DIS3L2: variants seen among roughly 807,000 people sequenced by gnomAD.
The protein encoded by DIS3L2 is DIS3 like 3'-5' exoribonuclease 2.
Under a neutral mutation model 97.5 loss-of-function variants are expected in DIS3L2, and 34 were observed. That is an observed-to-expected ratio of 0.35 (90% CI 0.27 to 0.46). The LOEUF (loss-of-function observed/expected upper bound fraction) is 0.46, where lower values mean the gene tolerates loss of function less well. Among genes scored for constraint, DIS3L2 ranks in the 20% least tolerant of loss-of-function variants. DIS3L2 has a pLI of 1.00. For missense variants in DIS3L2, 1,038 were observed against 1,146.0 expected (o/e 0.91, Z 1.36); for synonymous variants, 435 against 445.2 (o/e 0.98, Z 0.29).
At chr2:232,323,269 G>A (rs984663042) in intron 14 of DIS3L2, among the ~76,000 whole-genome samples, 31 of 152,214 alleles carry the variant, frequency 2.0e-4, no homozygotes, top group African/African-American at 6.8e-4. Flanking sequence ...AGCAGAGCCC[G>A]AACTTGGGGA....
intron 1 of DIS3L2, among the ~76,000 whole-genome samples, chr2:231,973,858 C>T (rs1692996300): frequency 6.6e-6 from 1 of 151,890 alleles, no homozygotes; most frequent in Non-Finnish European, 1.5e-5. Flanking sequence ...CAAAAGAAAC[C>T]CCAACTAATA....
chr2:232,063,683 A>G (rs77754687), intron 5 of DIS3L2, among the ~76,000 whole-genome samples: 1,572 of 152,164 alleles, frequency 0.01, 32 homozygotes, highest in African/African-American at 0.036. Flanking sequence ...CACTGCCTTC[A>G]TTTCCTAAAG....
intron 13 of DIS3L2, among the ~76,000 whole-genome samples, chr2:232,297,789 AC>A (rs965485606): frequency 1.4e-5 from 2 of 142,104 alleles, no homozygotes; most frequent in African/African-American, 5.3e-5. Context: ...TGCAACCTCC[AC>A]CCGCCAGGTT....
intron 6 of DIS3L2, among the ~76,000 whole-genome samples, chr2:232,117,152 A>G (rs1163038414): frequency 6.6e-6 from 1 of 152,164 alleles, no homozygotes; most frequent in African/African-American, 2.4e-5. Context: ...CTTTTCTTCC[A>G]GGTATGAATA....
At chr2:232,033,796 C>A (rs902251329) in intron 5 of DIS3L2, among the ~76,000 whole-genome samples, 5 of 152,142 alleles carry the variant, frequency 3.3e-5, no homozygotes, top group African/African-American at 9.7e-5. Flanking sequence ...ATTGAACCAG[C>A]CTTGCATCCC....
At chr2:232,225,828 A>T (rs1442382233) in intron 10 of DIS3L2, among the ~76,000 whole-genome samples, 1 of 152,270 alleles carries the variant, frequency 6.6e-6, no homozygotes, top group African/African-American at 2.4e-5. Flanking sequence ...GTATATCCAT[A>T]TAATAGAATA....
intron 14 of DIS3L2, among the ~76,000 whole-genome samples, chr2:232,321,640 AC>A (rs1695439707): frequency 6.6e-6 from 1 of 151,650 alleles, no homozygotes; most frequent in South Asian, 2.1e-4. Context: ...AGGAAAAGCA[AC>A]CCTGCTCAGC....
At chr2:232,300,568 C>A (rs1694828394) in intron 14 of DIS3L2, among the ~76,000 whole-genome samples, 1 of 151,494 alleles carries the variant, frequency 6.6e-6, no homozygotes, top group South Asian at 2.1e-4. Flanking sequence ...CGGGTACTTA[C>A]AGAGATTTAA....
Position 232,336,651 on chromosome 2 carries a change from C to CG in DIS3L2, c.*22dup, listed in dbSNP as rs775740747. 7.0e-4 allele frequency: 1,085 copies of CG among 1,541,288 alleles called. No individual in the cohort carries two copies. Among genetic ancestry groups the CG allele is most frequent in the Non-Finnish European group, 9.1e-4 (1,047 of 1,146,666 alleles). On this transcript the variant is annotated 3_prime_UTR_variant, in exon 21 of 21. Transcript: ENST00000325385. ...GCTGAGCTCCACCAGCCGCCTGCCC[C>CG]GCCTGCCCCGCCTGCCTGTCCCGCC... is the stretch of plus-strand genomic sequence containing the variant.
At chr2:232,043,530 A>G (rs1219106215) in intron 5 of DIS3L2, among the ~76,000 whole-genome samples, 2 of 152,226 alleles carry the variant, frequency 1.3e-5, no homozygotes, top group Admixed American at 6.5e-5. Flanking sequence ...AGAGTATGAC[A>G]CTGGTCATGG....
intron 5 of DIS3L2, among the ~76,000 whole-genome samples, chr2:232,045,670 C>T (rs1195015835): frequency 7.1e-5 from 7 of 99,044 alleles, no homozygotes; most frequent in African/African-American, 1.1e-4. Flanking sequence ...AAAGGCCTCA[C>T]TTTTTTTTTT....
At chr2:231,964,751 A>G (rs946888745) in intron 1 of DIS3L2, among the ~76,000 whole-genome samples, 2 of 152,360 alleles carry the variant, frequency 1.3e-5, no homozygotes, top group African/African-American at 4.8e-5. Flanking sequence ...TTTAAAGGAT[A>G]TAAAAGAAAA....
intron 10 of DIS3L2, among the ~76,000 whole-genome samples, chr2:232,224,706 A>G (rs887752551): frequency 6.6e-6 from 1 of 151,866 alleles, no homozygotes; most frequent in Admixed American, 6.6e-5. Flanking sequence ...AGGCATGGTC[A>G]TACACGCCTG....
chr2:232,093,463 G>A (rs1361064776), intron 6 of DIS3L2, among the ~76,000 whole-genome samples: 1 of 152,064 alleles, frequency 6.6e-6, no homozygotes, highest in African/African-American at 2.4e-5. Context: ...AGTAGGATTG[G>A]TATTAATTCT....
rs556656125 is a variant in DIS3L2, at chr2:231,968,746, T to C, written c.-94+6981T>C. On this transcript the variant is annotated intron_variant, in intron 1 of 20. Coordinates refer to ENST00000325385, the MANE Select transcript of DIS3L2 (RefSeq NM_152383.5). Reference sequence around the variant, plus strand: ...AATACCTAGGAGTAGAATGGCTGGATCATATAATAGGTATATGCTTAACCT... The same window carrying C: ...AATACCTAGGAGTAGAATGGCTGGACCATATAATAGGTATATGCTTAACCT... 5.9e-5 allele frequency among the ~76,000 whole-genome samples: 9 copies of C among 152,370 alleles called. No homozygotes were observed. In the East Asian group the frequency reaches 1.3e-3, roughly 23 times the overall value.
chr2:231,974,725 A>G (rs1214211066), intron 1 of DIS3L2, among the ~76,000 whole-genome samples: 1 of 152,122 alleles, frequency 6.6e-6, no homozygotes, highest in Non-Finnish European at 1.5e-5. Context: ...AATAATGCTT[A>G]TATTTCTTGA....
intron 6 of DIS3L2, among the ~76,000 whole-genome samples, chr2:232,129,531 A>G (rs1698161295): frequency 6.6e-6 from 1 of 152,224 alleles, no homozygotes; most frequent in Admixed American, 6.5e-5. Context: ...CTTTTTGGAA[A>G]ACAATGAGGA....
intron 8 of DIS3L2, among the ~76,000 whole-genome samples, chr2:232,158,351 G>A (rs1156231385): frequency 6.6e-6 from 1 of 151,580 alleles, no homozygotes; most frequent in African/African-American, 2.4e-5. Flanking sequence ...GTGTGTTCGG[G>A]TTCTCTGAAT....
At chr2:232,111,042 T>C (rs925125326) in intron 6 of DIS3L2, among the ~76,000 whole-genome samples, 3 of 152,214 alleles carry the variant, frequency 2.0e-5, no homozygotes, top group African/African-American at 7.2e-5. Flanking sequence ...GTTTTTGATA[T>C]TTAAAAAGGA....
Sources: gnomAD v4.1 joint callset for allele counts (sites outside exome capture counted in the v4.1 genomes callset) on GRCh38, gnomAD v4.1.1 for gene constraint, MANE v1.5 for transcripts, NCBI Gene and HGNC (gene_info 2026-07-23, HGNC 2026-07-21) for gene names.